The following VPS13C variants were observed in gnomAD, a reference collection of about 807,000 sequenced individuals.
The protein encoded by VPS13C is intermembrane lipid transfer protein VPS13C.
VPS13C carries 358 observed loss-of-function variants against 456.8 expected under a neutral mutation model. The observed-to-expected ratio is 0.78, with a 90% CI of 0.72 to 0.86. The LOEUF (loss-of-function observed/expected upper bound fraction) is 0.86. Ranked by LOEUF, VPS13C falls within the 40% of genes least tolerant of loss-of-function variation. The pLI, the probability that VPS13C is intolerant of heterozygous loss-of-function variation, is 0.00. For missense variants in VPS13C, 4,818 were observed against 4,385.4 expected (o/e 1.10, Z -2.79); for synonymous variants, 1,578 against 1,486.7 (o/e 1.06, Z -1.41).
intron 1 of VPS13C, among the ~76,000 whole-genome samples, chr15:62,054,145 T>C (rs919855454): frequency 2.0e-5 from 3 of 152,242 alleles, no homozygotes; most frequent in African/African-American, 2.4e-5. Flanking sequence ...TTCAAATATA[T>C]GTTACTCTTA....
At position 61,961,818 on chromosome 15, in the gene VPS13C, T is replaced by C; in HGVS notation, c.3679A>G (p.Thr1227Ala). The change falls in exon 35 of 85, where the codon ACA (threonine) becomes GCA (alanine). Residue 1227 changes from threonine to alanine, a missense_variant. Thr to Ala is a moderately conservative substitution (Grantham distance 58, BLOSUM62 0). Around this residue, in one of 3 missense-constraint regions of VPS13C, gnomAD observed 4,552 missense variants for 4,130.6 expected, o/e 1.10. Transcript: ENST00000644861. ...ATAQAAERAATSVKDLAQRSF... is the reference protein window; with the variant it reads ...ATAQAAERAAASVKDLAQRSF... Reference sequence around the variant, plus strand: ...CTCTGGGCAAGATCTTTCACACTTGTGGCAGCCCTTTCTGCAGCCTGGGCA... The same window carrying C: ...CTCTGGGCAAGATCTTTCACACTTGCGGCAGCCCTTTCTGCAGCCTGGGCA... 1 of 1,614,076 alleles carries C rather than the reference T, an allele frequency of 6.2e-7. No individual in the cohort carries two copies. The highest frequency in any genetic ancestry group is 8.5e-7 in the Non-Finnish European group (1 of 1,179,964).
At chr15:61,927,409 C>G (rs1259494378) in intron 51 of VPS13C, 89 bp from the exon 52 acceptor site, 7 of 989,420 alleles carry the variant, frequency 7.1e-6, no homozygotes, top group African/African-American at 1.6e-5. Context: ...AAGTTGTTCT[C>G]AATGTTTTTC....
intron 52 of VPS13C, 45 bp from the exon 53 acceptor site, chr15:61,925,593 A>G: frequency 7.6e-7 from 1 of 1,321,624 alleles, no homozygotes; most frequent in African/African-American, 1.5e-5. Flanking sequence ...GATCCATTAT[A>G]TACATAACAC....
At chr15:61,861,792 C>T (rs1238816795) in intron 82 of VPS13C, among the ~76,000 whole-genome samples, 1 of 152,124 alleles carries the variant, frequency 6.6e-6, no homozygotes, top group Non-Finnish European at 1.5e-5. Flanking sequence ...CAATCAAATA[C>T]ATTCTTGTTA....
chr15:62,019,826 C>T (rs2047391524), intron 9 of VPS13C, among the ~76,000 whole-genome samples: 1 of 151,832 alleles, frequency 6.6e-6, no homozygotes, highest in Non-Finnish European at 1.5e-5. Context: ...GAGCTGAATT[C>T]AATTCCTGTA....
intron 3 of VPS13C, among the ~76,000 whole-genome samples, chr15:62,037,024 A>T (rs546773825): frequency 6.7e-6 from 1 of 149,250 alleles, no homozygotes; most frequent in African/African-American, 2.5e-5. Flanking sequence ...TAAAGACAAT[A>T]TACTTTGCAT....
rs79519788 is a variant in VPS13C, at chr15:61,978,609, G to A, written c.2290+17C>T. On this transcript the variant is annotated intron_variant, in intron 23 of 84. Coordinates refer to ENST00000644861, the MANE Select transcript of VPS13C (RefSeq NM_020821.3). ...CCATCATAATCCCAAGATCCTAAAA[G>A]CTGAATAACGGTTTACCTGCTCTTG... 90 of 1,607,114 alleles carry A rather than the reference G, an allele frequency of 5.6e-5. No homozygotes were observed. In the African/African-American group the frequency reaches 9.8e-4, roughly 17 times the overall value.
chr15:61,953,718 T>C (rs2044885419), intron 38 of VPS13C, among the ~76,000 whole-genome samples: 1 of 152,140 alleles, frequency 6.6e-6, no homozygotes. Context: ...TGTGTCTTTA[T>C]AGCAGCATGA....
At position 61,920,141 on chromosome 15, in the gene VPS13C, C is replaced by T. The variant is rs771509610; in HGVS notation, c.7403G>A (p.Ser2468Asn). 6.2e-7 allele frequency: 1 copy of T among 1,613,538 alleles called. No homozygotes were observed. The highest frequency in any genetic ancestry group is 1.1e-5 in the South Asian group (1 of 91,042). Residue 2468 changes from serine to asparagine, a missense_variant, in exon 57 of 85, where the codon AGC becomes AAC. By Grantham distance (46) the Ser-to-Asn change is conservative. Coordinates refer to ENST00000644861, the MANE Select transcript of VPS13C (RefSeq NM_020821.3). ...GTTCCCTTGACTTGAAGGTACCATG[C>T]TGGCATACTCCAGTTCCAAATTCTG... ...AGQNLELEYA[S>N]MVPSSQGNLS...
chr15:62,023,095 T>A (rs145381650), intron 8 of VPS13C, among the ~76,000 whole-genome samples: 121 of 152,046 alleles, frequency 8.0e-4, no homozygotes, highest in African/African-American at 2.7e-3. Flanking sequence ...TTTGTCAGCA[T>A]AAAGCAAAAA....
At chr15:62,033,896 A>G (rs535793426) in intron 4 of VPS13C, among the ~76,000 whole-genome samples, 99 of 151,768 alleles carry the variant, frequency 6.5e-4, no homozygotes, top group African/African-American at 2.2e-3. Context: ...TTTAATATCC[A>G]ATACTACCTG....
intron 66 of VPS13C, among the ~76,000 whole-genome samples, chr15:61,891,502 T>C (rs1476699807): frequency 6.6e-6 from 1 of 152,234 alleles, no homozygotes; most frequent in Non-Finnish European, 1.5e-5. Flanking sequence ...ATTCTGTATC[T>C]GTAAACTACA....
chr15:61,994,628 C>G (rs922545023), intron 16 of VPS13C, among the ~76,000 whole-genome samples: 3 of 150,298 alleles, frequency 2.0e-5, no homozygotes, highest in Non-Finnish European at 4.4e-5. Context: ...CTCACTCTGT[C>G]ACCCAGGCTG....
intron 22 of VPS13C, 55 bp downstream of exon 22, chr15:61,981,287 G>C: frequency 6.6e-7 from 1 of 1,521,652 alleles, no homozygotes; most frequent in Non-Finnish European, 8.8e-7. Context: ...CTGTTGGAGA[G>C]TTAGCTAGCA....
Position 61,920,098 on chromosome 15 carries a change from A to G in VPS13C, c.7446T>C (p.Arg2482=). Residue 2482 remains arginine (R), a synonymous_variant, in exon 57 of 85, where the codon CGT becomes CGC. Transcript: ENST00000644861. The part of the protein sequence containing the change: ...SSQGNLSILS[R]QESSFFTLTI... The stretch of plus-strand genomic sequence containing the variant: ...TCAGAGTGAAGAAGGAGCTTTCTTG[A>G]CGGCTCAATATAGATAGGTTCCCTT... 6.2e-7 allele frequency: 1 copy of G among 1,609,090 alleles called. No individual in the cohort carries two copies. The highest frequency in any genetic ancestry group is 2.2e-5 in the East Asian group (1 of 44,792).
At chr15:61,914,878 T>TAAGAAAAAAAAAA in intron 61 of VPS13C, among the ~76,000 whole-genome samples, 1 of 102,048 alleles carries the variant, frequency 9.8e-6, no homozygotes, top group Admixed American at 1.1e-4. Context: ...AACTCTGCCT[T>TAAGAAAAAAAAAA]AAAAAAAAAA....
At chr15:62,002,139 T>A (rs944340206) in intron 15 of VPS13C, among the ~76,000 whole-genome samples, 5 of 152,180 alleles carry the variant, frequency 3.3e-5, no homozygotes, top group African/African-American at 1.2e-4. Context: ...CCACCAACAG[T>A]GTAAAGGTGT....
intron 15 of VPS13C, among the ~76,000 whole-genome samples, chr15:62,001,626 G>C (rs1596458335): frequency 6.6e-6 from 1 of 152,056 alleles, no homozygotes; most frequent in Admixed American, 6.5e-5. Flanking sequence ...CCACTAACTT[G>C]TCATCTAGCA....
chr15:62,007,338 T>G lies in VPS13C; in HGVS notation c.1260A>C (p.Lys420Asn). ...IAYKNKLTQSKVSEEIQKEIQ... is the reference protein window; with the variant it reads ...IAYKNKLTQSNVSEEIQKEIQ... ...TTTCTTTCTGTATTTCTTCTGAGAC[T>G]TTAGACTGTGTTAACTTGTTTTTGT... The change falls in exon 15 of 85, where the codon AAA (lysine) becomes AAC (asparagine). Residue 420 changes from lysine (K) to asparagine (N), a missense_variant. Around this residue, in one of 3 missense-constraint regions of VPS13C, gnomAD observed 4,552 missense variants for 4,130.6 expected, o/e 1.10. Transcript: ENST00000644861. 6.2e-7 allele frequency: 1 copy of G among 1,611,194 alleles called. No homozygotes were observed.
Sources: gnomAD v4.1 joint callset for allele counts (sites outside exome capture counted in the v4.1 genomes callset) on GRCh38, gnomAD v4.1.1 for gene constraint, gnomAD v4.1.1 regional missense constraint, MANE v1.5 for transcripts, NCBI Gene and HGNC (gene_info 2026-07-23, HGNC 2026-07-21) for gene names.